Variants in MPHOSPH6 observed in about 807,000 individuals in gnomAD.
MPHOSPH6 encodes M-phase phosphoprotein 6.
A neutral mutation model predicts 21.8 loss-of-function variants in MPHOSPH6; 25 were observed. The ratio of observed to expected loss-of-function variants is 1.15; its 90% CI spans 0.83 to 1.60. The LOEUF (loss-of-function observed/expected upper bound fraction) is 1.60. Ranked by LOEUF, MPHOSPH6 falls within the 40% of genes most tolerant of loss-of-function variation. The pLI is 0.00. For missense variants in MPHOSPH6, 269 were observed against 181.8 expected, an observed-to-expected ratio of 1.48 and a Z score of -2.76; for synonymous variants, 84 against 56.5, an observed-to-expected ratio of 1.49 and a Z score of -2.18.
At chr16:82,164,966 A>C (rs1173676381) in intron 1 of MPHOSPH6, 1 of 152,270 alleles carries the variant, frequency 6.6e-6, no homozygotes, top group Non-Finnish European at 1.5e-5. Context: ...GAACAAACTT[A>C]AGAGGCTAAC....
chr16:82,163,913 C>A, intron 2 of MPHOSPH6, 169 bp downstream of exon 2: 2 of 538,560 alleles, frequency 3.7e-6, no homozygotes, highest in Middle Eastern at 4.7e-4. Flanking sequence ...ATGTATAAAT[C>A]CATGTACAAC....
chr16:82,165,419 C>T (rs911872417), intron 1 of MPHOSPH6, among the ~76,000 whole-genome samples: 23 of 152,084 alleles, frequency 1.5e-4, no homozygotes, highest in African/African-American at 2.4e-5. Flanking sequence ...CCGCTGCGCC[C>T]GGCCCAGGTC....
intron 3 of MPHOSPH6, among the ~76,000 whole-genome samples, chr16:82,150,639 G>A (rs1290599383): frequency 6.6e-6 from 1 of 152,232 alleles, no homozygotes; most frequent in African/African-American, 2.4e-5. Flanking sequence ...GGGTAGGAGG[G>A]TGGGGTGTGT....
intron 2 of MPHOSPH6, among the ~76,000 whole-genome samples, chr16:82,153,799 C>CAA (rs1906343829): frequency 1.3e-5 from 2 of 152,146 alleles, no homozygotes; most frequent in African/African-American, 4.8e-5. Context: ...TTTAAGCTGA[C>CAA]AAAATTGGTG....
At chr16:82,149,004 C>G (rs1906177403) in intron 4 of MPHOSPH6, 141 bp from the exon 5 acceptor site, 1 of 1,146,820 alleles carries the variant, frequency 8.7e-7, no homozygotes, top group Non-Finnish European at 1.2e-6. Context: ...TCTGATTTAA[C>G]AATTTATGAA....
At chr16:82,159,490 C>T (rs1029884954) in intron 2 of MPHOSPH6, among the ~76,000 whole-genome samples, 11 of 152,038 alleles carry the variant, frequency 7.2e-5, no homozygotes, top group African/African-American at 9.7e-5. Flanking sequence ...ATGCAACCTC[C>T]GCCTCCTGGA....
intron 2 of MPHOSPH6, among the ~76,000 whole-genome samples, chr16:82,152,989 C>T (rs11645924): frequency 0.2 from 31,108 of 152,154 alleles, 3,801 homozygotes; most frequent in Admixed American, 0.38. Context: ...CAGCTGGGCA[C>T]AGTGGCGGAT....
At chr16:82,158,965 A>C (rs942850975) in intron 2 of MPHOSPH6, among the ~76,000 whole-genome samples, 11 of 152,242 alleles carry the variant, frequency 7.2e-5, no homozygotes, top group Non-Finnish European at 1.5e-4. Context: ...TTTGGAATAC[A>C]AGACAGACCA....
rs370786041 is a variant in MPHOSPH6 at position 82,151,467 on chromosome 16, A to C, written c.212T>G (p.Leu71Arg). Residue 71 changes from leucine to arginine, a missense_variant, in exon 3 of 5, where the codon CTC becomes CGC. Leu to Arg is a moderately radical substitution (Grantham distance 102). Transcript: ENST00000258169. ...TCCTCTGAATGACATTCTTCCATAG[A>C]GAAGATCTTCACATAGTAAGAAACT... is the stretch of plus-strand genomic sequence containing the variant. ...EQSFLLCEDLLYGRMSFRGFN... is the reference protein window; with the variant it reads ...EQSFLLCEDLRYGRMSFRGFN... 6.2e-7 allele frequency: 1 copy of C among 1,607,188 alleles called. No individual in the cohort carries two copies. The highest frequency in any genetic ancestry group is 8.5e-7 in the Non-Finnish European group (1 of 1,177,286).
chr16:82,168,475 T>TTTC (rs1272907918), intron 1 of MPHOSPH6, among the ~76,000 whole-genome samples: 2 of 71,740 alleles, frequency 2.8e-5, no homozygotes, highest in African/African-American at 7.1e-5. Context: ...TCTCTCTCTT[T>TTTC]TTTTTTTTTT....
At chr16:82,156,186 C>CTA (rs1026753113) in intron 2 of MPHOSPH6, among the ~76,000 whole-genome samples, 78 of 152,084 alleles carry the variant, frequency 5.1e-4, no homozygotes, top group East Asian at 2.5e-3. Context: ...AAAATATTCA[C>CTA]TATATATATA....
chr16:82,168,282 A>C (rs764933916), intron 1 of MPHOSPH6, among the ~76,000 whole-genome samples: 4 of 152,212 alleles, frequency 2.6e-5, no homozygotes, highest in Non-Finnish European at 4.4e-5. Flanking sequence ...CTCTGAAGTT[A>C]ATGTTATTAC....
At chr16:82,152,157 G>A (rs12446210) in intron 2 of MPHOSPH6, among the ~76,000 whole-genome samples, 73,291 of 152,070 alleles carry the variant, frequency 0.48, 21,203 homozygotes, top group Non-Finnish European at 0.65. Flanking sequence ...TTGCATTTAC[G>A]TTGATTCTTG....
chr16:82,170,176 G>T lies in MPHOSPH6; in HGVS notation c.-1C>A, dbSNP rs1327412492. On this transcript the variant is annotated 5_prime_UTR_variant, in exon 1 of 5. Coordinates refer to ENST00000258169, the MANE Select transcript of MPHOSPH6 (RefSeq NM_005792.2). ...ACCTTGTCTTTCGCTCGGCCGCCAT[G>T]GTAGCTTCCGCCCAGCGCCGCACTC... The T allele has an allele frequency of 3.8e-6, 6 of 1,588,846 alleles. 1 individual carries two copies. Among genetic ancestry groups the T allele is most frequent in the Non-Finnish European group, 5.1e-6 (6 of 1,168,728 alleles).
In MPHOSPH6 at chr16:82,170,203, G is replaced by T; in HGVS notation, c.-28C>A. 1.3e-6 allele frequency: 2 copies of T among 1,556,250 alleles called. No homozygotes were observed. The highest frequency in any genetic ancestry group is 1.4e-5 in the African/African-American group (1 of 71,640). ...TAGCTTCCGCCCAGCGCCGCACTCC[G>T]GCCGCGAGCCTCACCGCACATGCGC... On this transcript the variant is annotated 5_prime_UTR_variant, in exon 1 of 5. Transcript: ENST00000258169.
At position 82,170,131 on chromosome 16, in the gene MPHOSPH6, G is replaced by A. The variant is rs1435285682; in HGVS notation, c.45C>T (p.Arg15=). Residue 15 remains arginine (R), a synonymous_variant, in exon 1 of 5, where the codon CGC becomes CGT. Coordinates refer to ENST00000258169, the MANE Select transcript of MPHOSPH6 (RefSeq NM_005792.2). The stretch of plus-strand genomic sequence containing the variant: ...GCTCTCAGCGTCCCCGCACCTTCAT[G>A]CGCAGTAGATTCTTGGACAACCTTG... The part of the protein sequence containing the change: ...RKTRLSKNLL[R]MKFMQRGLDS... 2 of 1,592,242 alleles carry A rather than the reference G, an allele frequency of 1.3e-6. No homozygotes were observed. Among genetic ancestry groups the A allele is most frequent in the Admixed American group, 3.5e-5 (2 of 57,620 alleles).
At chr16:82,168,935 T>G (rs1480888378) in intron 1 of MPHOSPH6, among the ~76,000 whole-genome samples, 1 of 152,202 alleles carries the variant, frequency 6.6e-6, no homozygotes, top group East Asian at 1.9e-4. Context: ...CCAGACTGCC[T>G]GAATTCCCGT....
chr16:82,151,611 C>T lies in MPHOSPH6; in HGVS notation c.165-97G>A, dbSNP rs575343738. ...AAAAAAATAATCAACCTATGGTTCT[C>T]AGTAGAATGAAGTAAAAATACAGTA... is the stretch of plus-strand genomic sequence containing the variant. On this transcript the variant is annotated intron_variant, in intron 2 of 4. Coordinates refer to ENST00000258169, the MANE Select transcript of MPHOSPH6 (RefSeq NM_005792.2). The T allele has an allele frequency of 2.3e-3, 3,197 of 1,370,304 alleles. 12 individuals carry two copies. The highest frequency in any genetic ancestry group is 6.8e-3 in the Middle Eastern group (24 of 3,542). 84.9% of individuals were successfully genotyped at this position (1,370,304 alleles called of 1,614,324 possible).
At chr16:82,154,420 C>T (rs1906364169) in intron 2 of MPHOSPH6, among the ~76,000 whole-genome samples, 1 of 152,016 alleles carries the variant, frequency 6.6e-6, no homozygotes, top group African/African-American at 2.4e-5. Context: ...AAATGTACAG[C>T]ACACAATAAA....
Sources: gnomAD v4.1 joint callset for allele counts (sites outside exome capture counted in the v4.1 genomes callset) on GRCh38, gnomAD v4.1.1 for gene constraint, MANE v1.5 for transcripts, NCBI Gene and HGNC (gene_info 2026-07-23, HGNC 2026-07-21) for gene names.